ASIC2: variants seen among roughly 807,000 people sequenced by gnomAD.
ASIC2 encodes acid sensing ion channel subunit 2.
Under a neutral mutation model 57.3 loss-of-function variants are expected in ASIC2, and 25 were observed. That is an observed-to-expected ratio of 0.44 (90% confidence interval 0.32 to 0.61). The LOEUF is 0.61. ASIC2 is among the 20% of genes least tolerant of loss of function. ASIC2 has a pLI of 0.06. For synonymous variants in ASIC2, 319 were observed against 307.5 expected (o/e 1.04, Z -0.39); for missense variants, 641 against 738.1 (o/e 0.87, Z 1.52).
intron 1 of ASIC2, among the ~76,000 whole-genome samples, chr17:34,113,938 G>A (rs1911354016): frequency 6.6e-6 from 1 of 152,188 alleles, no homozygotes; most frequent in South Asian, 2.1e-4. Context: ...CTGCTAGGAA[G>A]ATACAGTTAT....
rs188375597 is a variant in ASIC2 at position 33,895,511 on chromosome 17, C to T, written c.555+260467G>A. 3.3e-5 allele frequency among the ~76,000 whole-genome samples: 5 copies of T among 152,306 alleles called. No homozygotes were observed. The East Asian group carries it at 9.7e-4, about 29-fold the overall frequency. On this transcript the variant is annotated intron_variant, in intron 1 of 9. Transcript: ENST00000359872. ...GGTTATAAATAGTGAAGCAGCATGG[C>T]CTGCCATTCTGGGCTTGTAGTGCCC...
At chr17:33,538,562 C>T (rs1915310541) in intron 1 of ASIC2, among the ~76,000 whole-genome samples, 1 of 152,190 alleles carries the variant, frequency 6.6e-6, no homozygotes, top group Admixed American at 6.5e-5. Flanking sequence ...GGGATAGAAA[C>T]CCAGTTCCTC....
chr17:33,906,077 G>C (rs1038397654), intron 1 of ASIC2, among the ~76,000 whole-genome samples: 1 of 136,832 alleles, frequency 7.3e-6, no homozygotes, highest in Non-Finnish European at 1.5e-5. Flanking sequence ...TTGAACTCCT[G>C]GGCCTCCAAA....
chr17:33,047,983 C>T (rs2091961842), intron 3 of ASIC2, among the ~76,000 whole-genome samples: 1 of 152,136 alleles, frequency 6.6e-6, no homozygotes, highest in African/African-American at 2.4e-5. Flanking sequence ...AGCCCTTACC[C>T]CCAGTGTGAC....
chr17:33,229,436 T>C (rs1908007606), intron 1 of ASIC2, among the ~76,000 whole-genome samples: 1 of 152,162 alleles, frequency 6.6e-6, no homozygotes, highest in Non-Finnish European at 1.5e-5. Context: ...CCCTAGCCGA[T>C]GTCTGCACTG....
chr17:33,659,482 G>C (rs1476299985), intron 1 of ASIC2, among the ~76,000 whole-genome samples: 2 of 152,198 alleles, frequency 1.3e-5, no homozygotes, highest in Admixed American at 1.3e-4. Flanking sequence ...TTATGCGACT[G>C]TCCTCAATAC....
intron 1 of ASIC2, among the ~76,000 whole-genome samples, chr17:33,132,488 G>A (rs114201697): frequency 0.023 from 3,444 of 152,192 alleles, 136 homozygotes; most frequent in African/African-American, 0.079. Context: ...CAGGTCCCCC[G>A]TGTCCAGTTC....
rs75435100 is a variant in ASIC2, at chr17:33,813,875, G to A, written c.555+342103C>T. 1.5e-3 allele frequency among the ~76,000 whole-genome samples: 222 copies of A among 152,268 alleles called. 3 individuals are homozygous for A. Among genetic ancestry groups the A allele is most frequent in the African/African-American group, 5.2e-3 (215 of 41,554 alleles). ...GGGAACAGGCACTTCATACCCACAC[G>A]TTTCCGCAAATCTGTTGGTTTCCTG... On this transcript the variant is annotated intron_variant, in intron 1 of 9. Transcript: ENST00000359872.
chr17:33,205,086 C>A (rs1907011601), intron 1 of ASIC2, among the ~76,000 whole-genome samples: 1 of 152,360 alleles, frequency 6.6e-6, no homozygotes, highest in Non-Finnish European at 1.5e-5. Context: ...TTTGTTGCCA[C>A]CTGATCACCA....
chr17:33,352,386 C>A lies in ASIC2; in HGVS notation c.556-240319G>T, dbSNP rs542159409. 3.9e-5 allele frequency among the ~76,000 whole-genome samples: 6 copies of A among 152,120 alleles called. No individual in the cohort carries two copies. In the South Asian group the frequency reaches 6.2e-4, roughly 16 times the overall value. On this transcript the variant is annotated intron_variant, in intron 1 of 9. Coordinates refer to the ASIC2 transcript ENST00000359872. The stretch of plus-strand genomic sequence containing the variant: ...GCACTTGAAGCCAGCCCATTACCCC[C>A]CAAGGCTGCCACCCCCTACATGGGA...
At chr17:33,481,722 C>A (rs34159029) in intron 1 of ASIC2, among the ~76,000 whole-genome samples, 30,947 of 152,046 alleles carry the variant, frequency 0.2, 3,834 homozygotes, top group Non-Finnish European at 0.28. Flanking sequence ...AAAACAAAAC[C>A]ACAGTGAAAA....
chr17:33,070,308 T>C (rs2092063286), intron 3 of ASIC2, among the ~76,000 whole-genome samples: 2 of 151,636 alleles, frequency 1.3e-5, no homozygotes, highest in African/African-American at 2.4e-5. Flanking sequence ...TAGTTATAGG[T>C]TGGTGCAAAA....
intron 1 of ASIC2, among the ~76,000 whole-genome samples, chr17:33,543,192 C>T (rs111625619): frequency 0.083 from 12,211 of 147,106 alleles, 1,357 homozygotes; most frequent in African/African-American, 0.26. Flanking sequence ...TGCTAGATGA[C>T]GAGTTAGTGG....
chr17:33,844,230 T>C (rs2141910544), intron 1 of ASIC2, among the ~76,000 whole-genome samples: 1 of 152,306 alleles, frequency 6.6e-6, no homozygotes, highest in African/African-American at 2.4e-5. Context: ...TTTAAATGAA[T>C]TTTACTAATT....
intron 1 of ASIC2, among the ~76,000 whole-genome samples, chr17:33,166,467 G>A (rs1905309974): frequency 6.6e-6 from 1 of 152,230 alleles, no homozygotes; most frequent in Non-Finnish European, 1.5e-5. Context: ...GGGCAGTGAG[G>A]AGTTCCCATT....
At chr17:33,634,712 T>G (rs1906296168) in intron 1 of ASIC2, 1 of 38,848 alleles carries the variant, frequency 2.6e-5, no homozygotes. Flanking sequence ...CTTTCTTTCT[T>G]TTTTTTTTTT....
chr17:33,851,708 G>A (rs1042572609), intron 1 of ASIC2, among the ~76,000 whole-genome samples: 5 of 152,108 alleles, frequency 3.3e-5, no homozygotes, highest in Admixed American at 6.6e-5. Flanking sequence ...CCCTCTAGAC[G>A]CCAGTAGTAT....
intron 1 of ASIC2, among the ~76,000 whole-genome samples, chr17:33,847,115 C>A (rs999179693): frequency 6.6e-6 from 1 of 151,448 alleles, no homozygotes; most frequent in African/African-American, 2.4e-5. Flanking sequence ...GCTCCAACGA[C>A]CTCTTTGCAT....
chr17:33,361,414 G>A (rs1348489221), intron 1 of ASIC2, among the ~76,000 whole-genome samples: 1 of 152,184 alleles, frequency 6.6e-6, no homozygotes, highest in Non-Finnish European at 1.5e-5. Flanking sequence ...GCTGTGGCTA[G>A]GAGAGTAATA....
Sources: gnomAD v4.1 joint callset for allele counts (sites outside exome capture counted in the v4.1 genomes callset) on GRCh38, gnomAD v4.1.1 for gene constraint, MANE v1.5 for transcripts, NCBI Gene and HGNC (gene_info 2026-07-23, HGNC 2026-07-21) for gene names.